SORBS2: variants seen among roughly 807,000 people sequenced by gnomAD.
The protein encoded by SORBS2 is sorbin and SH3 domain-containing protein 2.
Under a neutral mutation model 97.7 loss-of-function variants are expected in SORBS2, and 46 were observed. The ratio of observed to expected loss-of-function variants is 0.47; its 90% confidence interval spans 0.37 to 0.60. SORBS2 has a LOEUF of 0.60. Ranked by LOEUF, SORBS2 falls within the 20% of genes least tolerant of loss-of-function variation. The pLI, the probability that SORBS2 is intolerant of heterozygous loss-of-function variation, is 0.00. For missense variants in SORBS2, 1,316 were observed against 1,282.3 expected (o/e 1.03, Z -0.40); for synonymous variants, 476 against 473.4 (o/e 1.01, Z -0.07).
chr4:185,692,666 TG>T (rs1465676045), intron 2 of SORBS2, among the ~76,000 whole-genome samples: 1 of 151,992 alleles, frequency 6.6e-6, no homozygotes, highest in African/African-American at 2.4e-5. Flanking sequence ...TCTCTCCCAG[TG>T]GGGGGAAAAT....
Position 185,684,934 on chromosome 4 carries a change from A to C in SORBS2, c.-197-6112T>G. On this transcript the variant is annotated intron_variant, in intron 2 of 20. Coordinates refer to the SORBS2 transcript ENST00000284776. This position sits in a 1 kb window ranked among gnomAD's most constrained non-coding sequence, Gnocchi z 4.2. ...GCGTTTTAAGAGAAATGTGCCAGAC[A>C]TCCATGAGAAAGATGAACAGTTAGA... 1.0e-6 allele frequency: 1 copy of C among 970,476 alleles called. No individual in the cohort carries two copies. Among genetic ancestry groups the C allele is most frequent in the South Asian group, 1.5e-5 (1 of 67,814 alleles). 60.1% of individuals were successfully genotyped at this position (970,476 alleles called of 1,614,324 possible). A position where few individuals can be genotyped will look rare whatever the true frequency, so the allele number is the denominator to read the frequency against.
intron 1 of SORBS2, among the ~76,000 whole-genome samples, chr4:185,789,584 T>C (rs1293200761): frequency 6.6e-6 from 1 of 151,148 alleles, no homozygotes; most frequent in African/African-American, 2.4e-5. Context: ...AATGTTTAAA[T>C]ATAAATTATT....
At chr4:185,709,193 AT>A (rs1184275100) in intron 2 of SORBS2, among the ~76,000 whole-genome samples, 1 of 150,152 alleles carries the variant, frequency 6.7e-6, no homozygotes, top group Non-Finnish European at 1.5e-5. Flanking sequence ...TAACTTTTGT[AT>A]TTTTTAGTAG....
intron 1 of SORBS2, among the ~76,000 whole-genome samples, chr4:185,864,537 T>G (rs1032951258): frequency 2.2e-4 from 34 of 152,364 alleles, no homozygotes; most frequent in African/African-American, 7.9e-4. Context: ...TCAAATTTAA[T>G]TTTAAAGATT....
chr4:185,827,346 C>A (rs1056757822), intron 1 of SORBS2, among the ~76,000 whole-genome samples: 1 of 30,216 alleles, frequency 3.3e-5, no homozygotes, highest in Non-Finnish European at 7.7e-5. Context: ...TCATCATCAT[C>A]ATCATCATCA....
At chr4:185,598,929 CCA>C (rs2096186148) in intron 12 of SORBS2, among the ~76,000 whole-genome samples, 1 of 151,492 alleles carries the variant, frequency 6.6e-6, no homozygotes, top group Admixed American at 6.6e-5. Context: ...TCTCGTGGAC[CCA>C]CAGGAGGGTT....
intron 2 of SORBS2, among the ~76,000 whole-genome samples, chr4:185,718,754 T>A (rs1456913836): frequency 6.6e-6 from 1 of 152,200 alleles, no homozygotes; most frequent in African/African-American, 2.4e-5. Context: ...GGTGAGTGTC[T>A]TTAGGCATCA....
At chr4:185,611,840 A>G (rs772707356) in exon 12 of SORBS2, 1 of 1,614,128 alleles carries the variant, frequency 6.2e-7, no homozygotes, top group South Asian at 1.1e-5. Flanking sequence ...TTGGAGGGTC[A>G]GGGTAGTCCT....
chr4:185,897,996 C>T (rs970696551), intron 1 of SORBS2, among the ~76,000 whole-genome samples: 1 of 152,184 alleles, frequency 6.6e-6, no homozygotes, highest in African/African-American at 2.4e-5. Context: ...AAGATCATGC[C>T]ACTGCACTCT....
At chr4:185,854,133 G>C (rs2149692300) in intron 1 of SORBS2, among the ~76,000 whole-genome samples, 1 of 152,326 alleles carries the variant, frequency 6.6e-6, no homozygotes, top group South Asian at 2.1e-4. Context: ...CAGCCCAGAG[G>C]AAGCAGCACC....
At chr4:185,761,155 T>C (rs988971047) in intron 2 of SORBS2, among the ~76,000 whole-genome samples, 1 of 152,248 alleles carries the variant, frequency 6.6e-6, no homozygotes, top group Admixed American at 6.5e-5. Flanking sequence ...AGCAAACACC[T>C]GAACATATGT....
intron 1 of SORBS2, among the ~76,000 whole-genome samples, chr4:185,936,592 G>A (rs553237273): frequency 1.3e-5 from 2 of 152,280 alleles, no homozygotes; most frequent in South Asian, 4.1e-4. Context: ...TTTTAATTCT[G>A]AATTCTTCAA....
At chr4:185,909,047 G>T (rs1297952900) in intron 1 of SORBS2, among the ~76,000 whole-genome samples, 1 of 151,982 alleles carries the variant, frequency 6.6e-6, no homozygotes, top group African/African-American at 2.4e-5. Context: ...CCACCACTGG[G>T]TTTCTACCCA....
chr4:185,855,309 C>T (rs372356017), intron 1 of SORBS2, among the ~76,000 whole-genome samples: 12 of 152,116 alleles, frequency 7.9e-5, no homozygotes, highest in East Asian at 5.8e-4. Context: ...AGGTGTGAGA[C>T]GTAGATAAAG....
chr4:185,898,198 C>G (rs144881908), intron 1 of SORBS2, among the ~76,000 whole-genome samples: 29 of 152,308 alleles, frequency 1.9e-4, no homozygotes, highest in Middle Eastern at 3.4e-3. Flanking sequence ...GAAGGCAAAA[C>G]AAGCTGAAAG....
intron 1 of SORBS2, among the ~76,000 whole-genome samples, chr4:185,928,433 T>G (rs1320143314): frequency 6.6e-6 from 1 of 152,142 alleles, no homozygotes; most frequent in African/African-American, 2.4e-5. Flanking sequence ...ATATTTCTTC[T>G]TTGTCTAACT....
chr4:185,860,040 G>C (rs531752644), intron 1 of SORBS2, among the ~76,000 whole-genome samples: 17 of 152,274 alleles, frequency 1.1e-4, no homozygotes, highest in African/African-American at 3.4e-4. Flanking sequence ...TTGCTTAAAG[G>C]TGGTCCATAC....
At chr4:185,688,952 A>G (rs1468477588) in intron 2 of SORBS2, among the ~76,000 whole-genome samples, 1 of 152,182 alleles carries the variant, frequency 6.6e-6, no homozygotes, top group Non-Finnish European at 1.5e-5. Context: ...CATCCCATCC[A>G]GAGTCAAGCT....
At chr4:185,786,142 T>C (rs2099055291) in intron 1 of SORBS2, among the ~76,000 whole-genome samples, 1 of 152,220 alleles carries the variant, frequency 6.6e-6, no homozygotes, top group Non-Finnish European at 1.5e-5. Context: ...CAAAGTTTTA[T>C]GTTTTGGGTT....
Sources: allele counts gnomAD v4.1 joint callset (sites outside exome capture counted in the v4.1 genomes callset), GRCh38; gene constraint gnomAD v4.1.1; non-coding constraint Gnocchi (gnomAD v3.1); transcripts MANE v1.5; gene names NCBI Gene and HGNC (gene_info 2026-07-23, HGNC 2026-07-21).